NTRK2: variants seen among roughly 807,000 people sequenced by gnomAD.
NTRK2 encodes the protein BDNF/NT-3 growth factors receptor.
In NTRK2, 13 loss-of-function variants were observed where a neutral mutation model predicts 94.5. The ratio of observed to expected loss-of-function variants is 0.14; its 90% CI spans 0.09 to 0.22. The LOEUF (loss-of-function observed/expected upper bound fraction) is 0.22, where lower values mean the gene tolerates loss of function less well. Ranked by LOEUF, NTRK2 falls within the 10% of genes least tolerant of loss-of-function variation. NTRK2 has a pLI of 1.00. For missense variants in NTRK2, 639 were observed against 1,071.2 expected (o/e 0.60, Z 5.63); for synonymous variants, 372 against 407.4 (o/e 0.91, Z 1.05).
intron 12 of NTRK2, among the ~76,000 whole-genome samples, chr9:84,809,800 T>G (rs1417192096): frequency 2.0e-5 from 3 of 148,808 alleles, no homozygotes; most frequent in Non-Finnish European, 4.4e-5. Context: ...GAGAATTGCT[T>G]GAACCTGGGA....
intron 12 of NTRK2, among the ~76,000 whole-genome samples, chr9:84,822,851 T>C (rs1468059160): frequency 1.3e-5 from 2 of 152,224 alleles, no homozygotes; most frequent in South Asian, 2.1e-4. Context: ...TGGTCAACTA[T>C]GTTCCCTGTC....
intron 2 of NTRK2, among the ~76,000 whole-genome samples, chr9:84,696,704 A>G (rs554205941): frequency 1.4e-4 from 22 of 152,268 alleles, no homozygotes; most frequent in Non-Finnish European, 3.1e-4. Context: ...TTACAAGTGC[A>G]ATAAATGCTA....
chr9:84,747,770 C>T (rs534539151), intron 11 of NTRK2, among the ~76,000 whole-genome samples: 6 of 152,202 alleles, frequency 3.9e-5, no homozygotes, highest in South Asian at 4.1e-4. Flanking sequence ...CATGAGCCAC[C>T]GCACCTGGCC....
In NTRK2 at chr9:84,797,570, ATATATATTATATATACTATATATAC is replaced by A. The variant is rs2069519459; in HGVS notation, c.1396+45501_1396+45525del. Reference sequence around the variant, plus strand: ...ATATATATTATATATACTATATATTATATATATTATATATACTATATATACTATATATTATATATAATATATATAC... The same window carrying A: ...ATATATATTATATATACTATATATTATATATATTATATATAATATATATAC... On this transcript the variant is annotated intron_variant, in intron 12 of 18. Transcript: ENST00000277120. Among the ~76,000 whole-genome samples, 4 of 58,738 alleles carry A rather than the reference ATATATATTATATATACTATATATAC, an allele frequency of 6.8e-5. No individual in the cohort carries two copies. The South Asian group carries it at 1.6e-3, about 23-fold the overall frequency. The allele number at this position is 58,738 out of a possible 152,430, so 38.5% of individuals were successfully genotyped here.
chr9:84,761,901 A>C (rs1344988088), intron 12 of NTRK2, among the ~76,000 whole-genome samples: 1 of 152,164 alleles, frequency 6.6e-6, no homozygotes, highest in Non-Finnish European at 1.5e-5. Flanking sequence ...TATCATCTTG[A>C]ATTGCATCTC....
chr9:84,925,862 A>G (rs141474104), intron 14 of NTRK2, among the ~76,000 whole-genome samples: 2 of 152,302 alleles, frequency 1.3e-5, no homozygotes, highest in East Asian at 1.9e-4. Context: ...AAGGTCTTCA[A>G]TAGCTCCCCA....
chr9:84,850,645 C>G (rs1281803929), intron 12 of NTRK2, among the ~76,000 whole-genome samples: 1 of 152,196 alleles, frequency 6.6e-6, no homozygotes, highest in Non-Finnish European at 1.5e-5. Flanking sequence ...TAGAGAGGAA[C>G]TCAGAGACAG....
intron 11 of NTRK2, among the ~76,000 whole-genome samples, chr9:84,747,002 C>T (rs535341054): frequency 6.6e-6 from 1 of 152,264 alleles, no homozygotes; most frequent in South Asian, 2.1e-4. Flanking sequence ...GCACCTAGTA[C>T]ATTTTGCAGA....
chr9:84,754,155 T>G (rs990718486), intron 12 of NTRK2, among the ~76,000 whole-genome samples: 3 of 152,220 alleles, frequency 2.0e-5, no homozygotes, highest in African/African-American at 7.2e-5. Flanking sequence ...AGGGCATCCT[T>G]AATGAATTAT....
At chr9:84,671,979 T>C (rs1172615545) in intron 2 of NTRK2, among the ~76,000 whole-genome samples, 2 of 152,192 alleles carry the variant, frequency 1.3e-5, no homozygotes, top group Non-Finnish European at 2.9e-5. Flanking sequence ...ATTTTATTCG[T>C]ATACGTGGAA....
intron 2 of NTRK2, among the ~76,000 whole-genome samples, chr9:84,697,709 G>A (rs371818881): frequency 3.9e-5 from 6 of 152,182 alleles, no homozygotes; most frequent in Non-Finnish European, 8.8e-5. Flanking sequence ...TCACCAGGAG[G>A]GGGCAGCGCA....
intron 12 of NTRK2, among the ~76,000 whole-genome samples, chr9:84,831,805 C>T (rs2073564770): frequency 6.6e-6 from 1 of 152,216 alleles, no homozygotes; most frequent in South Asian, 2.1e-4. Context: ...CACAGGTGAT[C>T]ACAGGATGTA....
chr9:84,754,862 A>G (rs1323692213), intron 12 of NTRK2, among the ~76,000 whole-genome samples: 1 of 152,216 alleles, frequency 6.6e-6, no homozygotes, highest in East Asian at 1.9e-4. Flanking sequence ...CTTTTTGCCC[A>G]TCCCTAGCAA....
chr9:84,865,319 A>G (rs1263740592), intron 13 of NTRK2, among the ~76,000 whole-genome samples: 4 of 152,160 alleles, frequency 2.6e-5, no homozygotes, highest in African/African-American at 7.2e-5. Flanking sequence ...GGCAGCTTCA[A>G]TGCACATCCC....
intron 17 of NTRK2, among the ~76,000 whole-genome samples, chr9:84,973,981 A>G (rs1371990045): frequency 1.3e-5 from 1 of 74,650 alleles, no homozygotes. Flanking sequence ...TTTATGTTTA[A>G]CCCCCATGAA....
At chr9:84,787,208 G>A (rs1474246691) in intron 12 of NTRK2, among the ~76,000 whole-genome samples, 1 of 152,078 alleles carries the variant, frequency 6.6e-6, no homozygotes, top group Non-Finnish European at 1.5e-5. Flanking sequence ...TGAGGCAGGA[G>A]AATCGCTTGA....
At chr9:84,764,913 T>G (rs952836045) in intron 12 of NTRK2, among the ~76,000 whole-genome samples, 19 of 152,182 alleles carry the variant, frequency 1.2e-4, no homozygotes, top group Non-Finnish European at 1.5e-5. Flanking sequence ...TGCACCAACA[T>G]GGATGGAACT....
chr9:84,909,484 GTTT>G (rs532337568), intron 14 of NTRK2, among the ~76,000 whole-genome samples: 1 of 146,980 alleles, frequency 6.8e-6, no homozygotes, highest in African/African-American at 2.5e-5. Flanking sequence ...AGTTTTAGTT[GTTT>G]TTTTTTTAAG....
intron 12 of NTRK2, among the ~76,000 whole-genome samples, chr9:84,854,440 C>A (rs531861202): frequency 6.6e-6 from 1 of 152,018 alleles, no homozygotes; most frequent in Non-Finnish European, 1.5e-5. Context: ...TGGTCTAAGT[C>A]GCTGGCTTCT....
Sources: gnomAD v4.1 joint callset for allele counts (sites outside exome capture counted in the v4.1 genomes callset) on GRCh38, gnomAD v4.1.1 for gene constraint, MANE v1.5 for transcripts, NCBI Gene and HGNC (gene_info 2026-07-23, HGNC 2026-07-21) for gene names.